The following ECSIT variants were observed in gnomAD, a reference collection of about 807,000 sequenced individuals.
The protein encoded by ECSIT is evolutionarily conserved signaling intermediate in Toll pathway, mitochondrial.
In ECSIT, 29 loss-of-function variants were observed where a neutral mutation model predicts 36.8. The ratio of observed to expected loss-of-function variants is 0.79; its 90% CI spans 0.59 to 1.08. The LOEUF is 1.08. Ranked by LOEUF, ECSIT falls within the 50% of genes least tolerant of loss-of-function variation. The pLI is 0.00. For synonymous variants in ECSIT, 231 were observed against 234.8 expected (o/e 0.98, Z 0.15); for missense variants, 542 against 581.0 (o/e 0.93, Z 0.69).
At chr19:11,508,123 AG>A in intron 4 of ECSIT, 75 bp from the exon 5 acceptor site, 1 of 1,565,934 alleles carries the variant, frequency 6.4e-7, no homozygotes, top group South Asian at 1.1e-5. Context: ...AGAAACAGAA[AG>A]GGGGATACCA....
In ECSIT at chr19:11,518,946, G is replaced by C. The variant is rs186482285; in HGVS notation, c.96+129C>G. On this transcript the variant is annotated intron_variant, in intron 2 of 7. Transcript: ENST00000270517. The stretch of plus-strand genomic sequence containing the variant: ...CATACATAAACTAAGGACTTTTAAT[G>C]GGACCTCGGCACTGATAGGCCAGCC... 55 of 754,364 alleles carry C rather than the reference G, an allele frequency of 7.3e-5. No individual in the cohort carries two copies. The Admixed American group carries it at 1.1e-3, about 16-fold the overall frequency. The allele number at this position is 754,364 out of a possible 1,614,324, so 46.7% of individuals were successfully genotyped here.
intron 4 of ECSIT, among the ~76,000 whole-genome samples, chr19:11,508,272 T>C (rs1400911095): frequency 6.6e-6 from 1 of 152,070 alleles, no homozygotes; most frequent in Non-Finnish European, 1.5e-5. Context: ...AGCCCACCTT[T>C]GTCAAAATCC....
intron 1 of ECSIT, chr19:11,522,353 T>C: frequency 1.3e-6 from 1 of 777,944 alleles, no homozygotes; most frequent in Non-Finnish European, 2.2e-6. Context: ...ATCATGAAGA[T>C]GGAGGAGATA....
chr19:11,518,926 A>C, intron 2 of ECSIT, 149 bp downstream of exon 2: 1 of 707,790 alleles, frequency 1.4e-6, no homozygotes, highest in Non-Finnish European at 2.5e-6. Context: ...ACATACATAC[A>C]TAAACTAAGG....
In ECSIT at chr19:11,506,152, G is replaced by A; in HGVS notation, c.*32C>T. ...ATGCCTTCAGTCCACCGCCTCCTCG[G>A]GCCACAGCCCGTGCCCTCGCGCCGG... is the stretch of plus-strand genomic sequence containing the variant. On this transcript the variant is annotated 3_prime_UTR_variant, in exon 8 of 8. Transcript: ENST00000270517. 3 of 1,599,160 alleles carry A rather than the reference G, an allele frequency of 1.9e-6. No homozygotes were observed. Among genetic ancestry groups the A allele is most frequent in the Non-Finnish European group, 2.5e-6 (3 of 1,178,638 alleles).
Position 11,506,366 on chromosome 19 carries a change from T to TA in ECSIT, c.1113dup (p.Lys372Ter), listed in dbSNP as rs1334764521. 4.3e-6 allele frequency: 7 copies of TA among 1,613,572 alleles called. No homozygotes were observed. The African/African-American group carries it at 9.3e-5, about 22-fold the overall frequency. On this transcript the variant is annotated frameshift_variant, in exon 8 of 8. Coordinates refer to ENST00000270517, the MANE Select transcript of ECSIT (RefSeq NM_016581.5). LOFTEE classifies it low-confidence loss of function (END_TRUNC). ...GTCTCCTGCAGGCCCTGGATCCACT[T>TA]AGCCATCGTCGCCTGGTCATGAGCA...
rs1200772303 is a variant in ECSIT, at chr19:11,506,316, G to A, written c.1164C>T (p.Pro388=). 2.5e-6 allele frequency: 4 copies of A among 1,613,340 alleles called. No homozygotes were observed. The South Asian group carries it at 3.3e-5, about 13-fold the overall frequency. The change falls in exon 8 of 8, where the codon CCC becomes CCT. Residue 388 remains proline, a synonymous_variant. Transcript: ENST00000270517. ...QETNPTLAQI[P]VVFRLAGSTR... ...TGGACCCGGCGAGGCGGAAGACCAC[G>A]GGGATCTGGGCCAGGGTTGGGTTGG...
In ECSIT at chr19:11,507,712, G is replaced by C; in HGVS notation, c.935C>G (p.Pro312Arg). Reference sequence around the variant, plus strand: ...GCTTTAAGCCCTCACCCTCTCCTCCGGGGGCAGCAAGTCAGCTCTGAGGAT... The same window carrying C: ...GCTTTAAGCCCTCACCCTCTCCTCCCGGGGCAGCAAGTCAGCTCTGAGGAT... ...YHILRADLLP[P>R]EEREVEETPE... Residue 312 changes from proline (P) to arginine (R), a missense_variant, in exon 6 of 8, where the codon CCG becomes CGG. Physicochemically the swap from Pro to Arg is moderately radical, Grantham distance 103 (BLOSUM62 -2). Coordinates refer to ENST00000270517, the MANE Select transcript of ECSIT (RefSeq NM_016581.5). 6.2e-7 allele frequency: 1 copy of C among 1,614,056 alleles called. No individual in the cohort carries two copies. The highest frequency in any genetic ancestry group is 8.5e-7 in the Non-Finnish European group (1 of 1,180,034).
chr19:11,518,372 A>G (rs1442733819), intron 2 of ECSIT, among the ~76,000 whole-genome samples: 1 of 151,998 alleles, frequency 6.6e-6, no homozygotes, highest in Non-Finnish European at 1.5e-5. Flanking sequence ...GGTTGCAGTG[A>G]GCCAAGACCA....
At chr19:11,525,100 G>A (rs1397077786) in intron 1 of ECSIT, among the ~76,000 whole-genome samples, 6 of 152,112 alleles carry the variant, frequency 3.9e-5, no homozygotes, top group Non-Finnish European at 7.3e-5. Flanking sequence ...TTGCACCACT[G>A]CACTCCAGCC....
intron 7 of ECSIT, among the ~76,000 whole-genome samples, chr19:11,506,996 C>G (rs1045608356): frequency 2.0e-5 from 3 of 152,184 alleles, no homozygotes; most frequent in African/African-American, 7.2e-5. Context: ...CCTAAGCTCC[C>G]CAAAGTGTAA....
At position 11,522,431 on chromosome 19, in the gene ECSIT, C is replaced by T. The variant is rs2144998300; in HGVS notation, c.-23-3238G>A. ...GACTCCAAGATCAAGTTCCCGCTGC[C>T]CCACCAGGTCCTGCGCCATCAGCAC... On this transcript the variant is annotated intron_variant, in intron 1 of 7. Transcript: ENST00000270517. 2.8e-6 allele frequency: 4 copies of T among 1,449,934 alleles called. No individual in the cohort carries two copies. The South Asian group carries it at 4.6e-5, about 17-fold the overall frequency. The allele number at this position is 1,449,934 out of a possible 1,614,324, so 89.8% of individuals were successfully genotyped here.
chr19:11,528,397 G>A (rs902445154), intron 1 of ECSIT, among the ~76,000 whole-genome samples: 1 of 152,056 alleles, frequency 6.6e-6, no homozygotes, highest in African/African-American at 2.4e-5. Flanking sequence ...GACTACAGGC[G>A]TGCACCACTA....
intron 1 of ECSIT, 186 bp downstream of exon 1, chr19:11,528,876 G>A (rs1469933902): frequency 2.0e-5 from 3 of 152,256 alleles, no homozygotes; most frequent in East Asian, 3.8e-4. Flanking sequence ...TGGGAGACTG[G>A]GGGCGTGAGG....
intron 3 of ECSIT, 69 bp from the exon 4 acceptor site, chr19:11,513,348 A>G: frequency 1.5e-6 from 2 of 1,296,830 alleles, no homozygotes; most frequent in Non-Finnish European, 2.2e-6. Flanking sequence ...AGGAGAAAAG[A>G]AAACAGTGAA....
Position 11,506,200 on chromosome 19 carries a change from T to G in ECSIT, c.1280A>C (p.Gln427Pro). The G allele has an allele frequency of 6.2e-7, 1 of 1,606,170 alleles. No homozygotes were observed. The highest frequency in any genetic ancestry group is 8.5e-7 in the Non-Finnish European group (1 of 1,179,922). Residue 427 changes from glutamine to proline, a missense_variant, in exon 8 of 8, where the codon CAG (glutamine) becomes CCG (proline). Transcript: ENST00000270517. Reference protein sequence around the residue: ...QEEDDNLQRQQQGQS With the variant: ...QEEDDNLQRQPQGQS Reference sequence around the variant, plus strand: ...CGGCTCAGACTAGCTCTGGCCCTGCTGCTGTCGCTGCAGGTTGTCGTCTTC... The same window carrying G: ...CGGCTCAGACTAGCTCTGGCCCTGCGGCTGTCGCTGCAGGTTGTCGTCTTC...
rs1427485752 is a variant in ECSIT at position 11,519,275 on chromosome 19, A to G, written c.-23-82T>C. 6 of 894,700 alleles carry G rather than the reference A, an allele frequency of 6.7e-6. No individual in the cohort carries two copies. The highest frequency in any genetic ancestry group is 2.0e-5 in the Admixed American group (1 of 50,090). 55.4% of individuals were successfully genotyped at this position (894,700 alleles called of 1,614,324 possible). A position where few individuals can be genotyped will look rare whatever the true frequency, so the allele number is the denominator to read the frequency against. On this transcript the variant is annotated intron_variant, in intron 1 of 7. Coordinates refer to ENST00000270517, the MANE Select transcript of ECSIT (RefSeq NM_016581.5). This position sits in a 1 kb window ranked among gnomAD's most constrained non-coding sequence, Gnocchi z 4.4. ...AAGGGCCCCGCAGGGTCGAGGGCACACTCCAGATTATGTGGCTCACTCACC... is the reference window on the plus strand; with the variant it reads ...AAGGGCCCCGCAGGGTCGAGGGCACGCTCCAGATTATGTGGCTCACTCACC...
At chr19:11,514,759 G>C (rs61596554) in intron 2 of ECSIT, among the ~76,000 whole-genome samples, 1 of 152,210 alleles carries the variant, frequency 6.6e-6, no homozygotes, top group East Asian at 1.9e-4. Flanking sequence ...CTGGCTTCAA[G>C]TGATCATCCC....
At chr19:11,527,838 T>C (rs985643797) in intron 1 of ECSIT, among the ~76,000 whole-genome samples, 1 of 151,976 alleles carries the variant, frequency 6.6e-6, no homozygotes, top group South Asian at 2.1e-4. Flanking sequence ...AAAATTATTT[T>C]AAAAAATTAG....
Sources: allele counts gnomAD v4.1 joint callset (sites outside exome capture counted in the v4.1 genomes callset), GRCh38; gene constraint gnomAD v4.1.1; non-coding constraint Gnocchi (gnomAD v3.1); transcripts MANE v1.5; gene names NCBI Gene and HGNC (gene_info 2026-07-23, HGNC 2026-07-21).